Variants in ADAMTSL3 observed in about 807,000 individuals in gnomAD.
The protein encoded by ADAMTSL3 is ADAMTS like 3, also known as ADAMTS-like protein 3.
ADAMTSL3 carries 128 observed loss-of-function variants against 201.7 expected under a neutral mutation model. That is an observed-to-expected ratio of 0.63 (90% confidence interval 0.55 to 0.73). The LOEUF (loss-of-function observed/expected upper bound fraction) is 0.73. ADAMTSL3 is among the 30% of genes least tolerant of loss of function. The pLI is 0.00. For missense variants in ADAMTSL3, 1,990 were observed against 2,119.6 expected (o/e 0.94, Z 1.20); for synonymous variants, 738 against 748.4 (o/e 0.99, Z 0.23).
chr15:84,037,069 C>A (rs2068525698), intron 29 of ADAMTSL3, 82 bp downstream of exon 29: 1 of 1,403,240 alleles, frequency 7.1e-7, no homozygotes, highest in South Asian at 1.3e-5. Context: ...CGGCACCAAA[C>A]CCTGCTAGTG....
At chr15:83,904,776 G>A (rs1457117585) in intron 15 of ADAMTSL3, among the ~76,000 whole-genome samples, 2 of 152,094 alleles carry the variant, frequency 1.3e-5, no homozygotes, top group African/African-American at 4.8e-5. Context: ...TGTTGCCCTC[G>A]CTGTCGTTTT....
At chr15:83,832,065 G>T (rs2064168193) in intron 6 of ADAMTSL3, among the ~76,000 whole-genome samples, 1 of 152,170 alleles carries the variant, frequency 6.6e-6, no homozygotes, top group Admixed American at 6.5e-5. Context: ...CTTGAGGCAG[G>T]TAGGAAGGGG....
intron 16 of ADAMTSL3, among the ~76,000 whole-genome samples, chr15:83,916,859 C>A (rs1381919928): frequency 2.0e-5 from 3 of 152,220 alleles, no homozygotes; most frequent in Non-Finnish European, 2.9e-5. Context: ...AAGTTCTGCA[C>A]TAAATCTTCA....
At position 84,001,983 on chromosome 15, in the gene ADAMTSL3, A is replaced by G. The variant is rs527285577; in HGVS notation, c.3973+10769A>G. Among the ~76,000 whole-genome samples the G allele has an allele frequency of 3.2e-4, 48 of 152,344 alleles. 1 individual carries two copies. In the South Asian group the frequency reaches 9.3e-3, roughly 30 times the overall value. ...ATATATTTGCCCCAAATCTCTTTGGACTTGTATTTGGATTATTGATTTAGC... is the reference window on the plus strand; with the variant it reads ...ATATATTTGCCCCAAATCTCTTTGGGCTTGTATTTGGATTATTGATTTAGC... On this transcript the variant is annotated intron_variant, in intron 23 of 29. Coordinates refer to ENST00000286744, the MANE Select transcript of ADAMTSL3 (RefSeq NM_207517.3).
rs1214884173 is a variant in ADAMTSL3, at chr15:84,039,591, G to T, written c.*1785G>T. ...TGCAATATTTTATTTTGTACAGTAT[G>T]TAATAAAGACATGGGACATATATTT... On this transcript the variant is annotated 3_prime_UTR_variant, in exon 30 of 30. Coordinates refer to ENST00000286744, the MANE Select transcript of ADAMTSL3 (RefSeq NM_207517.3). 6.6e-6 allele frequency: 1 copy of T among 152,572 alleles called. No homozygotes were observed. The highest frequency in any genetic ancestry group is 1.5e-5 in the Non-Finnish European group (1 of 68,030). 9.5% of individuals were successfully genotyped at this position (152,572 alleles called of 1,614,324 possible). A position where few individuals can be genotyped will look rare whatever the true frequency, so the allele number is the denominator to read the frequency against.
At chr15:84,014,340 G>A (rs779356014) in intron 23 of ADAMTSL3, among the ~76,000 whole-genome samples, 29 of 152,150 alleles carry the variant, frequency 1.9e-4, no homozygotes, top group African/African-American at 4.6e-4. Flanking sequence ...CACATGCCCT[G>A]TAGACCAAAG....
chr15:84,028,784 C>T (rs2068353968), intron 27 of ADAMTSL3, among the ~76,000 whole-genome samples: 1 of 152,172 alleles, frequency 6.6e-6, no homozygotes, highest in Non-Finnish European at 1.5e-5. Flanking sequence ...TCCTCAATAT[C>T]CCCACATGTC....
intron 3 of ADAMTSL3, among the ~76,000 whole-genome samples, chr15:83,710,722 T>C (rs771038206): frequency 2.0e-5 from 3 of 152,214 alleles, no homozygotes; most frequent in Non-Finnish European, 4.4e-5. Context: ...CTCTAAATTG[T>C]ATTTTCTTTA....
intron 3 of ADAMTSL3, among the ~76,000 whole-genome samples, chr15:83,758,494 A>C (rs931474310): frequency 1.3e-5 from 2 of 152,202 alleles, no homozygotes; most frequent in African/African-American, 2.4e-5. Context: ...ACAATTCAAG[A>C]TTTGGATGGG....
intron 3 of ADAMTSL3, among the ~76,000 whole-genome samples, chr15:83,718,207 A>G (rs1360590773): frequency 6.6e-6 from 1 of 152,200 alleles, no homozygotes; most frequent in Non-Finnish European, 1.5e-5. Flanking sequence ...TGCCCAGGTC[A>G]TGGTCTCTCA....
At chr15:83,849,519 A>G (rs916783066) in intron 7 of ADAMTSL3, among the ~76,000 whole-genome samples, 3 of 152,226 alleles carry the variant, frequency 2.0e-5, no homozygotes, top group African/African-American at 7.2e-5. Flanking sequence ...TGGCAATGCC[A>G]TCTGCATTCT....
rs149625651 is a variant in ADAMTSL3 at position 83,892,719 on chromosome 15, C to T, written c.1298C>T (p.Ser433Phe). 1.4e-5 allele frequency: 22 copies of T among 1,613,750 alleles called. No homozygotes were observed. The highest frequency in any genetic ancestry group is 1.8e-5 in the Non-Finnish European group (21 of 1,179,954). ...AATCCTTGGACTGCATGTTCCGTGTCCTGTGGAGGAGGGATTCAGAGACGG... is the reference window on the plus strand; with the variant it reads ...AATCCTTGGACTGCATGTTCCGTGTTCTGTGGAGGAGGGATTCAGAGACGG... ...EHNPWTACSVSCGGGIQRRSF... is the reference protein window; with the variant it reads ...EHNPWTACSVFCGGGIQRRSF... Residue 433 changes from serine to phenylalanine, a missense_variant, in exon 13 of 30, where the codon TCC becomes TTC. By Grantham distance (155) the Ser-to-Phe change is radical. Transcript: ENST00000286744.
chr15:83,918,931 G>A (rs1240128523), intron 16 of ADAMTSL3, among the ~76,000 whole-genome samples: 1 of 152,156 alleles, frequency 6.6e-6, no homozygotes, highest in Admixed American at 6.5e-5. Flanking sequence ...GATGGAGTAT[G>A]GTGGATGACT....
chr15:83,808,803 G>A (rs2063645203), intron 5 of ADAMTSL3, among the ~76,000 whole-genome samples: 1 of 151,042 alleles, frequency 6.6e-6, no homozygotes, highest in Admixed American at 6.6e-5. Context: ...GCCGTAAAAA[G>A]AAGGAAATGC....
At chr15:83,903,139 G>A (rs1316041051) in intron 15 of ADAMTSL3, among the ~76,000 whole-genome samples, 2 of 151,666 alleles carry the variant, frequency 1.3e-5, no homozygotes, top group East Asian at 1.9e-4. Flanking sequence ...AGAATCACCC[G>A]TGGTGCTTTT....
Position 83,808,796 on chromosome 15 carries a change from G to A in ADAMTSL3, c.363+4101G>A, listed in dbSNP as rs554140106. Among the ~76,000 whole-genome samples, 269 of 151,488 alleles carry A rather than the reference G, an allele frequency of 1.8e-3. 1 individual carries two copies. The highest frequency in any genetic ancestry group is 6.1e-3 in the African/African-American group (251 of 41,324). ...ATACACAATGAAATACTATGCAGCC[G>A]TAAAAAGAAGGAAATGCTGTCATTT... On this transcript the variant is annotated intron_variant, in intron 5 of 29. Coordinates refer to ENST00000286744, the MANE Select transcript of ADAMTSL3 (RefSeq NM_207517.3).
intron 24 of ADAMTSL3, 102 bp downstream of exon 24, chr15:84,014,826 C>A: frequency 8.2e-7 from 1 of 1,215,398 alleles, no homozygotes; most frequent in Non-Finnish European, 1.1e-6. Flanking sequence ...AGATGGACAT[C>A]AGATGGTTTT....
chr15:83,729,796 G>A (rs1400792280), intron 3 of ADAMTSL3, among the ~76,000 whole-genome samples: 1 of 152,000 alleles, frequency 6.6e-6, no homozygotes, highest in South Asian at 2.1e-4. Flanking sequence ...CTGTTTTCCT[G>A]GATGGGCTTG....
rs575272108 is a variant in ADAMTSL3, at chr15:83,867,819, C to T, written c.803-2983C>T. Among the ~76,000 whole-genome samples, 99 of 152,274 alleles carry T rather than the reference C, an allele frequency of 6.5e-4. 1 individual carries two copies. The South Asian group carries it at 0.02, about 31-fold the overall frequency. ...CTGCCTTTTTTGAAAGAAGCCTGAA[C>T]TGATACTTCTCAGTGCAGATCCTTC... On this transcript the variant is annotated intron_variant, in intron 8 of 29. Coordinates refer to ENST00000286744, the MANE Select transcript of ADAMTSL3 (RefSeq NM_207517.3).
Sources: allele counts gnomAD v4.1 joint callset (sites outside exome capture counted in the v4.1 genomes callset), GRCh38; gene constraint gnomAD v4.1.1; transcripts MANE v1.5; gene names NCBI Gene and HGNC (gene_info 2026-07-23, HGNC 2026-07-21).